The following MYO1H variants were observed in gnomAD, a reference collection of about 807,000 sequenced individuals.
MYO1H encodes the protein unconventional myosin-Ih.
Under a neutral mutation model 149.3 loss-of-function variants are expected in MYO1H, and 118 were observed. The ratio of observed to expected loss-of-function variants is 0.79; its 90% CI spans 0.68 to 0.92. The LOEUF (loss-of-function observed/expected upper bound fraction) is 0.92. MYO1H is among the 40% of genes least tolerant of loss of function. The pLI is 0.00. For missense variants in MYO1H, 1,212 were observed against 1,280.7 expected (o/e 0.95, Z 0.82); for synonymous variants, 447 against 465.2 (o/e 0.96, Z 0.50).
the MYO1H span, among the ~76,000 whole-genome samples, chr12:109,316,223 A>G: frequency 0.6 from 91,486 of 151,616 alleles, 28,954 homozygotes; most frequent in African/African-American, 0.79. Flanking sequence ...TAAATAGTTC[A>G]TTGCTCAACT....
intron 3 of MYO1H, among the ~76,000 whole-genome samples, chr12:109,393,648 TATCC>T (rs1433214152): frequency 2.0e-5 from 3 of 151,716 alleles, no homozygotes; most frequent in Non-Finnish European, 4.4e-5. Context: ...TCCATCCGCC[TATCC>T]ATCCATCCAT....
chr12:109,322,595 T>G, the MYO1H span, among the ~76,000 whole-genome samples: 1 of 150,962 alleles, frequency 6.6e-6, no homozygotes, highest in Non-Finnish European at 1.5e-5. Flanking sequence ...CTGAGGCAGG[T>G]GGATCATGAG....
chr12:109,366,288 T>TA (rs1420666710), intron 1 of MYO1H, among the ~76,000 whole-genome samples: 1 of 152,218 alleles, frequency 6.6e-6, no homozygotes, highest in Non-Finnish European at 1.5e-5. Context: ...CCCATTAACT[T>TA]CAATCTAAGT....
At chr12:109,339,901 G>A in the MYO1H span, among the ~76,000 whole-genome samples, 4 of 152,208 alleles carry the variant, frequency 2.6e-5, no homozygotes, top group Non-Finnish European at 5.9e-5. Context: ...AAGGCATTAT[G>A]ACAGTGTTTA....
chr12:109,436,401 A>C, intron 21 of MYO1H, 87 bp from the exon 22 acceptor site: 1 of 900,728 alleles, frequency 1.1e-6, no homozygotes, highest in Non-Finnish European at 1.8e-6. Flanking sequence ...GCCCCCTTCC[A>C]TCGGCCCCCA....
chr12:109,419,303 TGTG>T (rs1871067565), intron 15 of MYO1H, among the ~76,000 whole-genome samples: 1 of 152,072 alleles, frequency 6.6e-6, no homozygotes, highest in South Asian at 2.1e-4. Context: ...GCTAGGCAGA[TGTG>T]GTGGGGCGGG....
chr12:109,344,021 TC>T (rs2048094812), upstream of MYO1H, among the ~76,000 whole-genome samples: 6 of 152,356 alleles, frequency 3.9e-5, no homozygotes, highest in Admixed American at 3.9e-4. Flanking sequence ...TCTCAGACTT[TC>T]CTTGTTAAGG....
chr12:109,318,972 G>GTTTTTTTTTTTT, the MYO1H span, among the ~76,000 whole-genome samples: 181 of 77,150 alleles, frequency 2.3e-3, 6 homozygotes, highest in East Asian at 0.019. Context: ...TTTTGGTTTT[G>GTTTTTTTTTTTT]TTTTTTTTTT....
exon 4 of MYO1H, chr12:109,396,406 T>G: frequency 6.2e-7 from 1 of 1,612,018 alleles, no homozygotes; most frequent in South Asian, 1.1e-5. Flanking sequence ...CGACAACGCT[T>G]ACCGAATGAT....
At chr12:109,373,883 A>G (rs1869038757) in intron 1 of MYO1H, among the ~76,000 whole-genome samples, 1 of 152,146 alleles carries the variant, frequency 6.6e-6, no homozygotes, top group Non-Finnish European at 1.5e-5. Flanking sequence ...GCTACTCGGG[A>G]GGCTGAGGCA....
At chr12:109,397,899 C>G in intron 5 of MYO1H, 87 bp downstream of exon 5, 1 of 982,450 alleles carries the variant, frequency 1.0e-6, no homozygotes, top group Non-Finnish European at 1.4e-6. Context: ...AAGGGGAGAA[C>G]GGCATTTTTT....
the MYO1H span, among the ~76,000 whole-genome samples, chr12:109,312,421 G>A: frequency 1.3e-5 from 2 of 150,586 alleles, no homozygotes; most frequent in African/African-American, 2.5e-5. Context: ...GTTTTAAGTA[G>A]AGACGGGGTT....
the MYO1H span, among the ~76,000 whole-genome samples, chr12:109,325,409 T>C: frequency 6.6e-6 from 1 of 152,186 alleles, no homozygotes; most frequent in South Asian, 2.1e-4. Flanking sequence ...ACTGGAACCC[T>C]TCCTAAAAAT....
upstream of MYO1H, among the ~76,000 whole-genome samples, chr12:109,343,487 T>C (rs2048092877): frequency 1.3e-5 from 2 of 152,218 alleles, no homozygotes; most frequent in Non-Finnish European, 2.9e-5. Flanking sequence ...TTGCTAATTT[T>C]TGGTGATAAT....
chr12:109,445,936 C>T, intron 31 of MYO1H: 1 of 985,396 alleles, frequency 1.0e-6, no homozygotes, highest in Non-Finnish European at 1.2e-6. Flanking sequence ...CATAACTATC[C>T]ATAACTTCCC....
intron 11 of MYO1H, 102 bp from the exon 12 acceptor site, chr12:109,409,861 G>A: frequency 1.4e-6 from 1 of 719,706 alleles, no homozygotes; most frequent in East Asian, 2.8e-5. Context: ...TGAGGACTTT[G>A]CTTTTTCTTT....
At chr12:109,399,964 C>T (rs1420800679) in intron 5 of MYO1H, among the ~76,000 whole-genome samples, 3 of 152,142 alleles carry the variant, frequency 2.0e-5, no homozygotes, top group East Asian at 1.9e-4. Context: ...CCAACACACT[C>T]CCCCTTCCCA....
the MYO1H span, among the ~76,000 whole-genome samples, chr12:109,311,549 CTT>C: frequency 6.6e-6 from 1 of 152,194 alleles, no homozygotes; most frequent in African/African-American, 2.4e-5. Flanking sequence ...GCTTAGGAAT[CTT>C]TATTTTTTAA....
At chr12:109,342,126 C>CTTTTTTT in the MYO1H span, among the ~76,000 whole-genome samples, 3 of 126,066 alleles carry the variant, frequency 2.4e-5, no homozygotes, top group African/African-American at 6.3e-5. Flanking sequence ...AAATTTGATT[C>CTTTTTTT]TTTTTTTTTT....
Sources: allele counts gnomAD v4.1 joint callset (sites outside exome capture counted in the v4.1 genomes callset), GRCh38; gene constraint gnomAD v4.1.1; transcripts MANE v1.5; gene names NCBI Gene and HGNC (gene_info 2026-07-23, HGNC 2026-07-21).